Variants in ERGIC1 observed in about 807,000 individuals in gnomAD.
The protein encoded by ERGIC1 is endoplasmic reticulum-Golgi intermediate compartment protein 1.
Under a neutral mutation model 38.3 loss-of-function variants are expected in ERGIC1, and 19 were observed. That is an observed-to-expected ratio of 0.50 (90% CI 0.35 to 0.73). ERGIC1 has a LOEUF of 0.73. ERGIC1 is among the 30% of genes least tolerant of loss of function. ERGIC1 has a pLI of 0.01. For missense variants in ERGIC1, 294 were observed against 389.2 expected, an observed-to-expected ratio of 0.76 and a Z score of 2.06; for synonymous variants, 124 against 157.6, an observed-to-expected ratio of 0.79 and a Z score of 1.60.
chr5:172,881,663 G>A (rs562629880), intron 1 of ERGIC1, among the ~76,000 whole-genome samples: 1 of 152,326 alleles, frequency 6.6e-6, no homozygotes, highest in South Asian at 2.1e-4. Context: ...CACTGTGGGG[G>A]AAAAGCAACA....
chr5:172,902,851 C>T (rs1762919687), intron 3 of ERGIC1, among the ~76,000 whole-genome samples: 1 of 152,038 alleles, frequency 6.6e-6, no homozygotes, highest in Admixed American at 6.6e-5. Context: ...AGACTTCAGG[C>T]AGGAATCTGA....
At chr5:172,876,829 C>T (rs1762148639) in intron 1 of ERGIC1, among the ~76,000 whole-genome samples, 1 of 152,030 alleles carries the variant, frequency 6.6e-6, no homozygotes, top group East Asian at 1.9e-4. Flanking sequence ...CCATATGGAC[C>T]CTAGTTTGCC....
chr5:172,931,729 A>G (rs1383831081), intron 7 of ERGIC1, among the ~76,000 whole-genome samples: 1 of 152,144 alleles, frequency 6.6e-6, no homozygotes, highest in Non-Finnish European at 1.5e-5. Flanking sequence ...ATCTTTCCAG[A>G]TAATTCTCCT....
chr5:172,923,156 C>G (rs1287004465), intron 5 of ERGIC1, among the ~76,000 whole-genome samples: 5 of 85,506 alleles, frequency 5.8e-5, no homozygotes, highest in African/African-American at 2.4e-4. Context: ...GAGGAGGGTT[C>G]CAGGATCATA....
chr5:172,843,082 G>T (rs1260152395), intron 1 of ERGIC1, among the ~76,000 whole-genome samples: 1 of 152,172 alleles, frequency 6.6e-6, no homozygotes, highest in Non-Finnish European at 1.5e-5. Flanking sequence ...GGAGGCGGAG[G>T]TTGCAGTGAG....
At chr5:172,886,004 G>T (rs774714833) in intron 1 of ERGIC1, among the ~76,000 whole-genome samples, 6 of 152,122 alleles carry the variant, frequency 3.9e-5, no homozygotes, top group Admixed American at 6.5e-5. Flanking sequence ...CTACCTGGCA[G>T]GTGTCAGCTG....
chr5:172,920,513 A>G (rs1287232557), intron 5 of ERGIC1: 2 of 708,738 alleles, frequency 2.8e-6, no homozygotes, highest in African/African-American at 3.5e-5. Flanking sequence ...GGCTCCAGCT[A>G]TATGTTTTTA....
intron 3 of ERGIC1, among the ~76,000 whole-genome samples, chr5:172,900,894 TACTA>T (rs570937404): frequency 1.1e-4 from 16 of 152,302 alleles, no homozygotes; most frequent in African/African-American, 2.9e-4. Context: ...CTTCCCTCCT[TACTA>T]AGGTATAGGA....
intron 8 of ERGIC1, 174 bp from the exon 9 acceptor site, chr5:172,935,014 G>A (rs1369959491): frequency 2.2e-6 from 2 of 926,248 alleles, no homozygotes; most frequent in African/African-American, 3.3e-5. Context: ...GCACGGCAGA[G>A]TTCAGGGCCT....
chr5:172,849,501 G>A (rs1267911602), intron 1 of ERGIC1, among the ~76,000 whole-genome samples: 2 of 152,178 alleles, frequency 1.3e-5, no homozygotes, highest in Non-Finnish European at 2.9e-5. Context: ...TCACAAAAGC[G>A]AGTGATGGGA....
In ERGIC1 at chr5:172,886,241, G is replaced by C. The variant is rs573106433; in HGVS notation, c.21-2458G>C. 3.3e-5 allele frequency among the ~76,000 whole-genome samples: 5 copies of C among 152,212 alleles called. No individual in the cohort carries two copies. In the South Asian group the frequency reaches 1.0e-3, roughly 32 times the overall value. On this transcript the variant is annotated intron_variant, in intron 1 of 9. Coordinates refer to ENST00000393784, the MANE Select transcript of ERGIC1 (RefSeq NM_001031711.3). The stretch of plus-strand genomic sequence containing the variant: ...CTCCCTGCACATCGGGCTGTACCCT[G>C]TGCCGGAGAGAGGACAGCGCCCAGC...
chr5:172,885,705 T>TGC (rs763140971), intron 1 of ERGIC1, among the ~76,000 whole-genome samples: 32 of 149,742 alleles, frequency 2.1e-4, no homozygotes, highest in East Asian at 5.9e-4. Flanking sequence ...CTGCAGCCCT[T>TGC]TCCTGCTGCT....
chr5:172,895,019 A>C (rs1037722694), intron 2 of ERGIC1, among the ~76,000 whole-genome samples: 3 of 152,254 alleles, frequency 2.0e-5, no homozygotes, highest in African/African-American at 7.2e-5. Flanking sequence ...AAAATAATAG[A>C]GATAACTGGC....
Position 172,923,283 on chromosome 5 carries a change from A to C in ERGIC1, c.376-722A>C, listed in dbSNP as rs1763570867. Among the ~76,000 whole-genome samples the C allele has an allele frequency of 2.4e-5, 3 of 124,092 alleles. No homozygotes were observed. The Admixed American group carries it at 2.5e-4, about 10-fold the overall frequency. 81.4% of individuals were successfully genotyped at this position (124,092 alleles called of 152,430 possible). Reference sequence around the variant, plus strand: ...GGAGGAGGGTTCCAGGATCATACCAAGGGTTCTAGTCTGAGCATCTGGGAG... The same window carrying C: ...GGAGGAGGGTTCCAGGATCATACCACGGGTTCTAGTCTGAGCATCTGGGAG... On this transcript the variant is annotated intron_variant, in intron 5 of 9. Coordinates refer to ENST00000393784, the MANE Select transcript of ERGIC1 (RefSeq NM_001031711.3).
At chr5:172,884,253 T>TTG (rs1554109377) in intron 1 of ERGIC1, among the ~76,000 whole-genome samples, 1 of 118,788 alleles carries the variant, frequency 8.4e-6, no homozygotes, top group African/African-American at 2.7e-5. Flanking sequence ...AGTTTTTTTT[T>TTG]TTTTTTTTTT....
chr5:172,860,088 T>G (rs1687484450), intron 1 of ERGIC1, among the ~76,000 whole-genome samples: 1 of 152,250 alleles, frequency 6.6e-6, no homozygotes, highest in Admixed American at 6.5e-5. Context: ...TGTTCATTTC[T>G]TATTCATTCT....
At chr5:172,947,357 T>C (rs1375662175) in intron 9 of ERGIC1, among the ~76,000 whole-genome samples, 2 of 152,086 alleles carry the variant, frequency 1.3e-5, no homozygotes, top group Admixed American at 1.3e-4. Flanking sequence ...TTTTATTTTT[T>C]GTAGAGATGG....
intron 1 of ERGIC1, among the ~76,000 whole-genome samples, chr5:172,842,963 G>A (rs1761193776): frequency 6.6e-6 from 1 of 152,172 alleles, no homozygotes; most frequent in South Asian, 2.1e-4. Context: ...GGCCAACATG[G>A]AGAAACCCCA....
At chr5:172,870,105 AC>A (rs1250748894) in intron 1 of ERGIC1, among the ~76,000 whole-genome samples, 1 of 152,264 alleles carries the variant, frequency 6.6e-6, no homozygotes, top group African/African-American at 2.4e-5. Context: ...CTATTCTGAT[AC>A]AAAAATACTT....
Sources: allele counts gnomAD v4.1 joint callset (sites outside exome capture counted in the v4.1 genomes callset), GRCh38; gene constraint gnomAD v4.1.1; transcripts MANE v1.5; gene names NCBI Gene and HGNC (gene_info 2026-07-23, HGNC 2026-07-21).